CLVS1: variants seen among roughly 807,000 people sequenced by gnomAD.
The protein encoded by CLVS1 is clavesin-1.
In CLVS1, 10 loss-of-function variants were observed where a neutral mutation model predicts 33.1. The observed-to-expected ratio is 0.30, with a 90% CI of 0.19 to 0.51. The LOEUF (loss-of-function observed/expected upper bound fraction) is 0.51. Among genes scored for constraint, CLVS1 ranks in the 20% least tolerant of loss-of-function variants. CLVS1 has a pLI of 0.97. For synonymous variants in CLVS1, 163 were observed against 166.1 expected (o/e 0.98, Z 0.14); for missense variants, 343 against 433.4 (o/e 0.79, Z 1.85).
At chr8:61,451,647 G>C (rs546386664) in intron 3 of CLVS1, among the ~76,000 whole-genome samples, 88 of 152,110 alleles carry the variant, frequency 5.8e-4, no homozygotes, top group Admixed American at 5.6e-3. Context: ...AGGCCTCTTG[G>C]GGTTCTGGGA....
chr8:61,287,427 CT>C (rs557835049), upstream of CLVS1, among the ~76,000 whole-genome samples: 268 of 152,158 alleles, frequency 1.8e-3, 1 homozygote, highest in African/African-American at 6.2e-3. Flanking sequence ...TTTGTATTTA[CT>C]TTTTTTATAT....
At chr8:61,371,115 A>G (rs1813422419) in intron 2 of CLVS1, among the ~76,000 whole-genome samples, 1 of 152,222 alleles carries the variant, frequency 6.6e-6, no homozygotes, top group Admixed American at 6.5e-5. Flanking sequence ...TCCCACCAGC[A>G]GTGTAAAAGC....
intron 1 of CLVS1, among the ~76,000 whole-genome samples, chr8:61,110,906 G>A (rs574295951): frequency 2.0e-5 from 3 of 152,292 alleles, no homozygotes; most frequent in South Asian, 4.1e-4. Flanking sequence ...TACCTTGCAT[G>A]TGTAGACCAC....
intron 2 of CLVS1, among the ~76,000 whole-genome samples, chr8:61,184,936 A>G (rs968683652): frequency 2.6e-5 from 4 of 152,174 alleles, no homozygotes; most frequent in Admixed American, 2.0e-4. Context: ...TAAAGTTCAC[A>G]GAAGAATAAG....
At chr8:61,112,908 C>T (rs1805655421) in intron 1 of CLVS1, among the ~76,000 whole-genome samples, 1 of 152,094 alleles carries the variant, frequency 6.6e-6, no homozygotes, top group African/African-American at 2.4e-5. Context: ...TTTGCAGGAA[C>T]CTCTGGGAAG....
At chr8:61,061,420 C>T (rs1217737986) in intron 1 of CLVS1, among the ~76,000 whole-genome samples, 1 of 152,184 alleles carries the variant, frequency 6.6e-6, no homozygotes, top group Non-Finnish European at 1.5e-5. Flanking sequence ...TGCTACCAGG[C>T]CATCAGCTGT....
chr8:61,146,802 A>G (rs768297033), intron 2 of CLVS1, among the ~76,000 whole-genome samples: 14 of 152,132 alleles, frequency 9.2e-5, no homozygotes, highest in Admixed American at 2.6e-4. Flanking sequence ...AGTTTGCTCT[A>G]TCTGTCTGCA....
intron 3 of CLVS1, among the ~76,000 whole-genome samples, chr8:61,379,151 G>A (rs1236058276): frequency 6.6e-6 from 1 of 152,180 alleles, no homozygotes; most frequent in Non-Finnish European, 1.5e-5. Flanking sequence ...TTGTGAGGGA[G>A]GGAGATCCTG....
intron 2 of CLVS1, among the ~76,000 whole-genome samples, chr8:61,331,436 T>C (rs942676400): frequency 6.6e-6 from 1 of 151,962 alleles, no homozygotes; most frequent in African/African-American, 2.4e-5. Context: ...CTTTGTGAAA[T>C]TCCCTCCTCC....
chr8:61,259,105 G>T (rs545922292), intron 2 of CLVS1, among the ~76,000 whole-genome samples: 1 of 152,318 alleles, frequency 6.6e-6, no homozygotes, highest in South Asian at 2.1e-4. Flanking sequence ...CCTACAAAGT[G>T]ATTTAATATA....
chr8:61,045,578 A>G, the CLVS1 span, among the ~76,000 whole-genome samples: 7 of 152,234 alleles, frequency 4.6e-5, no homozygotes, highest in Non-Finnish European at 1.0e-4. Flanking sequence ...ATGAGGGACT[A>G]CTTTAGAATG....
intron 2 of CLVS1, among the ~76,000 whole-genome samples, chr8:61,212,125 G>C (rs951936577): frequency 6.6e-6 from 1 of 152,168 alleles, no homozygotes; most frequent in Admixed American, 6.5e-5. Flanking sequence ...GCAGTTTGTC[G>C]CAGTAGCCAT....
the CLVS1 span, among the ~76,000 whole-genome samples, chr8:61,023,700 C>G: frequency 6.6e-6 from 1 of 152,196 alleles, no homozygotes; most frequent in South Asian, 2.1e-4. Flanking sequence ...CGGCTGTTTT[C>G]TGCACGGCCG....
intron 2 of CLVS1, among the ~76,000 whole-genome samples, chr8:61,329,101 T>C (rs1344351894): frequency 1.3e-5 from 2 of 152,224 alleles, no homozygotes; most frequent in Admixed American, 1.3e-4. Flanking sequence ...AATAATCTTC[T>C]TTCTTTTAAT....
chr8:61,130,093 C>T (rs1806058676), intron 1 of CLVS1, among the ~76,000 whole-genome samples: 2 of 151,978 alleles, frequency 1.3e-5, no homozygotes, highest in East Asian at 1.9e-4. Context: ...CAAAAATTAG[C>T]CAGGTGTGAT....
intron 2 of CLVS1, among the ~76,000 whole-genome samples, chr8:61,315,266 G>T (rs140929466): frequency 3.5e-4 from 54 of 152,242 alleles, no homozygotes; most frequent in African/African-American, 1.3e-3. Flanking sequence ...TTCATTTTTA[G>T]ACTTTTTGAG....
intron 1 of CLVS1, among the ~76,000 whole-genome samples, chr8:61,291,127 A>G (rs1809972876): frequency 6.6e-6 from 1 of 152,158 alleles, no homozygotes; most frequent in Admixed American, 6.5e-5. Context: ...TAATAAGTTC[A>G]TTTTTCTTCC....
At chr8:61,292,634 G>C (rs1199186024) in intron 1 of CLVS1, among the ~76,000 whole-genome samples, 3 of 152,076 alleles carry the variant, frequency 2.0e-5, no homozygotes, top group Non-Finnish European at 4.4e-5. Context: ...TTAAAAATTG[G>C]GGTATCAACT....
intron 3 of CLVS1, among the ~76,000 whole-genome samples, chr8:61,387,415 A>G (rs959066431): frequency 6.6e-6 from 1 of 151,034 alleles, no homozygotes; most frequent in Non-Finnish European, 1.5e-5. Context: ...AAAAAAACCC[A>G]AGAATTGTTA....
Sources: allele counts gnomAD v4.1 joint callset (sites outside exome capture counted in the v4.1 genomes callset), GRCh38; gene constraint gnomAD v4.1.1; transcripts MANE v1.5; gene names NCBI Gene and HGNC (gene_info 2026-07-23, HGNC 2026-07-21).